RGS6: variants seen among roughly 807,000 people sequenced by gnomAD.
RGS6 encodes the protein regulator of G protein signaling 6.
Under a neutral mutation model 78.5 loss-of-function variants are expected in RGS6, and 30 were observed. The ratio of observed to expected loss-of-function variants is 0.38; its 90% CI spans 0.29 to 0.52. RGS6 has a LOEUF of 0.52. RGS6 is among the 20% of genes least tolerant of loss of function. The pLI, the probability that RGS6 is intolerant of heterozygous loss-of-function variation, is 0.85. For synonymous variants in RGS6, 206 were observed against 206.0 expected (o/e 1.00, Z 0.00); for missense variants, 495 against 609.7 (o/e 0.81, Z 1.98).
At chr14:72,140,541 G>A (rs146434105) in intron 2 of RGS6, among the ~76,000 whole-genome samples, 1 of 152,272 alleles carries the variant, frequency 6.6e-6, no homozygotes, top group Non-Finnish European at 1.5e-5. Flanking sequence ...TAGGGTGGAG[G>A]GAAGGAGTTG....
At chr14:72,163,035 C>T (rs538123737) in intron 2 of RGS6, among the ~76,000 whole-genome samples, 8 of 152,076 alleles carry the variant, frequency 5.3e-5, no homozygotes, top group South Asian at 2.1e-4. Context: ...CAATGAACTT[C>T]GGGGACTTGG....
intron 2 of RGS6, among the ~76,000 whole-genome samples, chr14:71,999,748 C>CCATGAGCTCTGG (rs1555425212): frequency 2.0e-5 from 3 of 152,198 alleles, no homozygotes; most frequent in South Asian, 2.1e-4. Flanking sequence ...TGTGAATTGC[C>CCATGAGCTCTGG]TAGCTCCCCC....
intron 3 of RGS6, among the ~76,000 whole-genome samples, chr14:72,413,223 A>C (rs1320978896): frequency 6.6e-6 from 1 of 152,210 alleles, no homozygotes; most frequent in Non-Finnish European, 1.5e-5. Flanking sequence ...GTAGGTCACT[A>C]AGGGCTTGCT....
At chr14:72,030,009 C>T (rs949020966) in intron 2 of RGS6, among the ~76,000 whole-genome samples, 1 of 152,152 alleles carries the variant, frequency 6.6e-6, no homozygotes, top group Non-Finnish European at 1.5e-5. Flanking sequence ...TGTCAATTAT[C>T]TCGTCATTCT....
At chr14:72,533,199 C>G (rs774103483) in intron 15 of RGS6, among the ~76,000 whole-genome samples, 1 of 152,192 alleles carries the variant, frequency 6.6e-6, no homozygotes, top group African/African-American at 2.4e-5. Context: ...AAGAATGATG[C>G]TAAATATATT....
chr14:71,877,856 G>A, the RGS6 span, among the ~76,000 whole-genome samples: 34 of 152,144 alleles, frequency 2.2e-4, 1 homozygote, highest in Admixed American at 2.1e-3. Flanking sequence ...ATACAAATGG[G>A]GTTTTGGTGT....
At chr14:71,969,889 T>A (rs550521835) in intron 2 of RGS6, among the ~76,000 whole-genome samples, 47 of 152,314 alleles carry the variant, frequency 3.1e-4, no homozygotes, top group Non-Finnish European at 4.9e-4. Flanking sequence ...TTCCCTGATA[T>A]CAAAACAATG....
chr14:72,118,571 CT>C (rs1229248214), intron 2 of RGS6, among the ~76,000 whole-genome samples: 1 of 152,178 alleles, frequency 6.6e-6, no homozygotes, highest in Admixed American at 6.5e-5. Context: ...AAGCCTCCTG[CT>C]ACAGCCTAGG....
chr14:71,969,585 C>A (rs969522585), intron 2 of RGS6, among the ~76,000 whole-genome samples: 3 of 152,214 alleles, frequency 2.0e-5, no homozygotes, highest in African/African-American at 7.2e-5. Context: ...ACTTCACTTT[C>A]CTGATTCTAC....
chr14:72,389,708 A>G (rs1353280218), intron 3 of RGS6, among the ~76,000 whole-genome samples: 6 of 152,192 alleles, frequency 3.9e-5, no homozygotes, highest in Non-Finnish European at 7.3e-5. Context: ...GTGGTTGGCT[A>G]TTTGTTTTCT....
intron 3 of RGS6, among the ~76,000 whole-genome samples, chr14:72,358,719 C>T (rs888771261): frequency 4.6e-5 from 7 of 152,132 alleles, no homozygotes; most frequent in Non-Finnish European, 7.3e-5. Flanking sequence ...AAGGGACTTG[C>T]TTAGTCTCAG....
intron 13 of RGS6, among the ~76,000 whole-genome samples, chr14:72,502,883 C>G (rs543173564): frequency 6.6e-6 from 1 of 152,292 alleles, no homozygotes; most frequent in South Asian, 2.1e-4. Flanking sequence ...CTTTAGTAGC[C>G]TTGGCTCTGA....
intron 2 of RGS6, among the ~76,000 whole-genome samples, chr14:72,350,956 C>T (rs955425288): frequency 3.9e-5 from 6 of 152,028 alleles, no homozygotes; most frequent in Admixed American, 1.3e-4. Context: ...TGATGTTATG[C>T]CGTGCTCTAA....
At chr14:72,480,931 G>C (rs909706381) in intron 12 of RGS6, among the ~76,000 whole-genome samples, 1 of 152,218 alleles carries the variant, frequency 6.6e-6, no homozygotes, top group African/African-American at 2.4e-5. Context: ...GCTGGGGACA[G>C]CGAGGCTGGG....
chr14:72,575,904 G>A, the RGS6 span, among the ~76,000 whole-genome samples: 4 of 152,196 alleles, frequency 2.6e-5, no homozygotes, highest in East Asian at 1.9e-4. Flanking sequence ...CCCTGTCCTC[G>A]TTCTGGCCTG....
chr14:72,017,371 T>A (rs563886941), intron 2 of RGS6, among the ~76,000 whole-genome samples: 2 of 152,372 alleles, frequency 1.3e-5, no homozygotes, highest in South Asian at 4.1e-4. Context: ...TAAAATCTTT[T>A]AATAATAATG....
intron 2 of RGS6, chr14:71,990,400 T>C: frequency 2.8e-6 from 1 of 356,642 alleles, no homozygotes; most frequent in South Asian, 2.1e-5. Context: ...TCATGTGTTC[T>C]GCTCAGTAAA....
intron 3 of RGS6, among the ~76,000 whole-genome samples, chr14:72,446,074 C>A (rs1267129176): frequency 6.6e-6 from 1 of 152,120 alleles, no homozygotes; most frequent in Admixed American, 6.5e-5. Context: ...GCCTGAGTAA[C>A]ATAAGGAGAC....
intron 2 of RGS6, among the ~76,000 whole-genome samples, chr14:72,138,935 G>A (rs548794914): frequency 2.4e-4 from 36 of 152,226 alleles, no homozygotes; most frequent in South Asian, 8.3e-4. Flanking sequence ...ATAATAAAGC[G>A]TACAATAAAT....
Sources: allele counts gnomAD v4.1 joint callset (sites outside exome capture counted in the v4.1 genomes callset), GRCh38; gene constraint gnomAD v4.1.1; transcripts MANE v1.5; gene names NCBI Gene and HGNC (gene_info 2026-07-23, HGNC 2026-07-21).